The following BBOF1 variants were observed in gnomAD, a reference collection of about 807,000 sequenced individuals.
BBOF1 encodes the protein basal body orientation factor 1, also known as basal body-orientation factor 1.
BBOF1 carries 62 observed loss-of-function variants against 68.0 expected under a neutral mutation model. That is an observed-to-expected ratio of 0.91 (90% CI 0.74 to 1.13). BBOF1 has a LOEUF of 1.13. Among genes scored for constraint, BBOF1 ranks in the 50% most tolerant of loss-of-function variants. The pLI, the probability that BBOF1 is intolerant of heterozygous loss-of-function variation, is 0.00. For synonymous variants in BBOF1, 208 were observed against 198.8 expected (o/e 1.05, Z -0.39); for missense variants, 534 against 600.1 (o/e 0.89, Z 1.15).
intron 3 of BBOF1, among the ~76,000 whole-genome samples, chr14:74,032,800 A>G (rs1054368667): frequency 1.3e-5 from 2 of 151,988 alleles, no homozygotes; most frequent in African/African-American, 4.8e-5. Flanking sequence ...CCCAATTTAC[A>G]TTTCTCTTAT....
Position 74,064,758 on chromosome 14 carries a change from G to A in BBOF1, c.*59G>A, listed in dbSNP as rs552933905. 1.2e-6 allele frequency: 2 copies of A among 1,611,132 alleles called. No individual in the cohort carries two copies. The highest frequency in any genetic ancestry group is 2.2e-5 in the South Asian group (2 of 91,032). ...GCAGTCCCTTCCTTGCAGAATCCTT[G>A]CTCCTGAATATCTTTAAGAAAATTT... is the stretch of plus-strand genomic sequence containing the variant. On this transcript the variant is annotated 3_prime_UTR_variant, in exon 12 of 12. Coordinates refer to ENST00000394009, the MANE Select transcript of BBOF1 (RefSeq NM_025057.3).
intron 4 of BBOF1, among the ~76,000 whole-genome samples, chr14:74,038,512 G>A (rs937805108): frequency 6.6e-6 from 1 of 152,182 alleles, no homozygotes; most frequent in African/African-American, 2.4e-5. Context: ...TGGCTTATGG[G>A]AACGAATAAG....
At chr14:74,042,069 T>C (rs1335429915) in intron 5 of BBOF1, among the ~76,000 whole-genome samples, 27 of 152,080 alleles carry the variant, frequency 1.8e-4, no homozygotes, top group Admixed American at 1.8e-3. Context: ...AAAACTGAAA[T>C]GGGGTCTCAT....
chr14:74,057,070 C>G, intron 10 of BBOF1, 74 bp from the exon 11 acceptor site: 1 of 1,592,812 alleles, frequency 6.3e-7, no homozygotes, highest in Non-Finnish European at 8.6e-7. Context: ...AGTAATATGA[C>G]AAGTCTGTTA....
At chr14:74,066,134 T>G (rs778996726), downstream of BBOF1, 18 of 155,764 alleles carry the variant, frequency 1.2e-4, no homozygotes, top group Non-Finnish European at 2.3e-4. Flanking sequence ...GGTTGATATA[T>G]TGATTGAGAC....
In BBOF1 at chr14:74,064,947, T is replaced by C; in HGVS notation, c.*248T>C. 1.3e-6 allele frequency: 2 copies of C among 1,596,866 alleles called. No homozygotes were observed. The highest frequency in any genetic ancestry group is 1.7e-6 in the Non-Finnish European group (2 of 1,165,556). On this transcript the variant is annotated 3_prime_UTR_variant, in exon 12 of 12. Coordinates refer to ENST00000394009, the MANE Select transcript of BBOF1 (RefSeq NM_025057.3). ...TAAAACAGAACAAATCCGTGTCATA[T>C]CCTAAGGACAAAGGAACTCTCCATT...
intron 11 of BBOF1, among the ~76,000 whole-genome samples, chr14:74,062,893 C>T (rs925133980): frequency 5.9e-5 from 9 of 152,168 alleles, no homozygotes; most frequent in African/African-American, 2.2e-4. Flanking sequence ...GGCTCTAGTC[C>T]TATGACTAGA....
At chr14:74,033,509 G>A (rs1411014203) in intron 3 of BBOF1, among the ~76,000 whole-genome samples, 2 of 152,108 alleles carry the variant, frequency 1.3e-5, no homozygotes, top group Non-Finnish European at 2.9e-5. Flanking sequence ...GGCAGAGGTT[G>A]CAGTGAGCTG....
rs879831689 is a variant in BBOF1, at chr14:74,032,092, A to G, written c.352-1936A>G. 1.1e-4 allele frequency among the ~76,000 whole-genome samples: 17 copies of G among 148,256 alleles called. No homozygotes were observed. The South Asian group carries it at 3.0e-3, about 27-fold the overall frequency. ...AGATTGCCTGTTTCCTCACAGCTTT[A>G]CCAACAGAGTCTATTCTCAAAGTTG... On this transcript the variant is annotated intron_variant, in intron 3 of 11. Transcript: ENST00000394009.
intron 12 of BBOF1, chr14:74,082,768 CTCTA>C (rs1302659666): frequency 6.6e-6 from 1 of 152,130 alleles, no homozygotes; most frequent in Non-Finnish European, 1.5e-5. Context: ...CTGAGGATTA[CTCTA>C]TCTGTTCTTT....
chr14:74,029,909 C>G (rs2059526715), intron 3 of BBOF1, among the ~76,000 whole-genome samples: 1 of 152,032 alleles, frequency 6.6e-6, no homozygotes, highest in Admixed American at 6.6e-5. Context: ...TTAACTTTAT[C>G]TGTATCTCCT....
At chr14:74,060,448 T>G (rs1333285646) in intron 11 of BBOF1, 2 of 598,550 alleles carry the variant, frequency 3.3e-6, no homozygotes, top group Non-Finnish European at 6.0e-6. Context: ...GAAGAGCAAG[T>G]GAGAAATCTG....
In BBOF1 at chr14:74,060,333, C is replaced by T. The variant is rs150950908; in HGVS notation, c.1578+3075C>T. On this transcript the variant is annotated intron_variant, in intron 11 of 11. Coordinates refer to ENST00000394009, the MANE Select transcript of BBOF1 (RefSeq NM_025057.3). ...TTCTTTACATACACTGGCTTTTCTCCCCTTCAAATCATCAGAAAATGGGAT... is the reference window on the plus strand; with the variant it reads ...TTCTTTACATACACTGGCTTTTCTCTCCTTCAAATCATCAGAAAATGGGAT... 199 of 337,034 alleles carry T rather than the reference C, an allele frequency of 5.9e-4. 3 individuals carry two copies. The East Asian group carries it at 0.01, about 18-fold the overall frequency. 20.9% of individuals were successfully genotyped at this position (337,034 alleles called of 1,614,324 possible).
intron 2 of BBOF1, 73 bp downstream of exon 2, chr14:74,023,217 A>C: frequency 1.2e-6 from 1 of 833,670 alleles, no homozygotes; most frequent in Non-Finnish European, 1.9e-6. Flanking sequence ...ATGTATTTCA[A>C]AGATTTTTAA....
chr14:74,067,200 A>G (rs1324926289), downstream of BBOF1, among the ~76,000 whole-genome samples: 4 of 152,154 alleles, frequency 2.6e-5, no homozygotes, highest in Admixed American at 6.6e-5. Flanking sequence ...GGTAACAGAC[A>G]GCCTGTGCTT....
At chr14:74,047,867 T>C in intron 6 of BBOF1, 63 bp from the exon 7 acceptor site, 1 of 1,449,142 alleles carries the variant, frequency 6.9e-7, no homozygotes, top group Non-Finnish European at 9.3e-7. Context: ...GAAGCAATCA[T>C]TTTTCTATTT....
At chr14:74,064,131 C>T (rs1484375064) in intron 11 of BBOF1, among the ~76,000 whole-genome samples, 1 of 151,430 alleles carries the variant, frequency 6.6e-6, no homozygotes, top group Non-Finnish European at 1.5e-5. Flanking sequence ...AACCCTGTCT[C>T]TACTAAAAAA....
chr14:74,049,362 C>G (rs536479845), intron 7 of BBOF1, among the ~76,000 whole-genome samples: 19 of 139,866 alleles, frequency 1.4e-4, no homozygotes, highest in African/African-American at 5.2e-4. Context: ...AAGGAACTTC[C>G]TAAGTTCTGG....
chr14:74,033,967 A>C, intron 3 of BBOF1, 61 bp from the exon 4 acceptor site: 2 of 1,407,808 alleles, frequency 1.4e-6, no homozygotes, highest in Non-Finnish European at 1.9e-6. Flanking sequence ...TTCAAATGAA[A>C]CATGACTTTG....
Sources: allele counts gnomAD v4.1 joint callset (sites outside exome capture counted in the v4.1 genomes callset), GRCh38; gene constraint gnomAD v4.1.1; transcripts MANE v1.5; gene names NCBI Gene and HGNC (gene_info 2026-07-23, HGNC 2026-07-21).